The following DNAH10 variants were observed in gnomAD, a reference collection of about 807,000 sequenced individuals.
The protein encoded by DNAH10 is axonemal beta dynein heavy chain 10.
In DNAH10, 348 loss-of-function variants were observed where a neutral mutation model predicts 506.6. That is an observed-to-expected ratio of 0.69 (90% confidence interval 0.63 to 0.75). The LOEUF is 0.75. Among genes scored for constraint, DNAH10 ranks in the 30% least tolerant of loss-of-function variants. DNAH10 has a pLI of 0.00. For missense variants in DNAH10, 5,179 were observed against 5,787.1 expected (o/e 0.89, Z 3.41); for synonymous variants, 2,059 against 2,198.6 (o/e 0.94, Z 1.78).
chr12:123,908,483 T>A (rs1270347610), intron 57 of DNAH10: 1 of 456,136 alleles, frequency 2.2e-6, no homozygotes, highest in Non-Finnish European at 4.4e-6. Context: ...TCTCTTCCAC[T>A]TCTGTCTTTC....
Position 123,867,960 on chromosome 12 carries a change from G to C in DNAH10, c.7360G>C (p.Asp2454His), listed in dbSNP as rs766827260. ...ALLEGEIEDL[D>H]LLECYFLEAL... ...GCTAGAAGGAGAAATAGAAGACCTT[G>C]ACCTGCTGGAGTGCTACTTCCTGGA... The change falls in exon 43 of 79, where the codon GAC (aspartate) becomes CAC (histidine). Residue 2454 changes from aspartate (D) to histidine (H), a missense_variant. Coordinates refer to ENST00000673944, the MANE Select transcript of DNAH10 (RefSeq NM_001372106.1). 2.5e-6 allele frequency: 4 copies of C among 1,613,798 alleles called. No individual in the cohort carries two copies. Among genetic ancestry groups the C allele is most frequent in the Non-Finnish European group, 2.5e-6 (3 of 1,179,882 alleles).
rs890649731 is a variant in DNAH10 at position 123,917,299 on chromosome 12, G to A, written c.11003-285G>A. On this transcript the variant is annotated intron_variant, in intron 63 of 78. Coordinates refer to ENST00000673944, the MANE Select transcript of DNAH10 (RefSeq NM_001372106.1). The surrounding 1 kb of genome is among the most constrained non-coding windows in gnomAD (Gnocchi z 5.6). The stretch of plus-strand genomic sequence containing the variant: ...TGGGATTACAGGCATGAGCCACTGC[G>A]CCCAGTCTGGGTATACTTTAAACTA... Among the ~76,000 whole-genome samples the A allele has an allele frequency of 7.2e-5, 11 of 152,150 alleles. No individual in the cohort carries two copies. The highest frequency in any genetic ancestry group is 1.3e-4 in the Non-Finnish European group (9 of 68,022).
At chr12:123,807,096 T>A (rs1958707617) in intron 18 of DNAH10, among the ~76,000 whole-genome samples, 1 of 152,138 alleles carries the variant, frequency 6.6e-6, no homozygotes, top group African/African-American at 2.4e-5. Context: ...ATCCATTTAT[T>A]AACTCATTCA....
rs572505228 is a variant in DNAH10 at position 123,868,136 on chromosome 12, G to A, written c.7519+17G>A. 1.9e-5 allele frequency: 30 copies of A among 1,605,004 alleles called. No individual in the cohort carries two copies. Among genetic ancestry groups the A allele is most frequent in the African/African-American group, 9.4e-5 (7 of 74,778 alleles). ...AACTGCCAGGTGGGAACCGAGTGTC[G>A]CCTGTTTCCCTGCTCTGAGTGCCTT... is the stretch of plus-strand genomic sequence containing the variant. On this transcript the variant is annotated intron_variant, in intron 43 of 78. Transcript: ENST00000673944.
chr12:123,820,887 G>A, intron 24 of DNAH10, 129 bp downstream of exon 24: 1 of 1,073,838 alleles, frequency 9.3e-7, no homozygotes, highest in Non-Finnish European at 1.3e-6. Context: ...CGCTCATTTT[G>A]GCCGCAGGGA....
intron 69 of DNAH10, chr12:123,927,096 G>A (rs756937577): frequency 2.3e-6 from 1 of 438,556 alleles, no homozygotes; most frequent in East Asian, 4.9e-5. Flanking sequence ...AGGCTGGAGT[G>A]CAGTGGTGCG....
chr12:123,771,725 G>A lies in DNAH10; in HGVS notation c.396+27G>A, dbSNP rs555031433. On this transcript the variant is annotated intron_variant, in intron 3 of 78. Coordinates refer to ENST00000673944, the MANE Select transcript of DNAH10 (RefSeq NM_001372106.1). The stretch of plus-strand genomic sequence containing the variant: ...TAAGCATGGCTCTTTGTCCTTGTTG[G>A]TGGGGTAATGGGGACCCTTGATGCC... The A allele has an allele frequency of 3.8e-6, 6 of 1,573,188 alleles. No homozygotes were observed. In the African/African-American group the frequency reaches 4.0e-5, roughly 11 times the overall value.
rs34756279 is a variant in DNAH10 at position 123,881,603 on chromosome 12, CTT to C, written c.8635-10_8635-9del. On this transcript the variant is annotated intron_variant, in intron 50 of 78. Transcript: ENST00000673944. ...AACCCACCATGCTGGGTTTTGAATT[CTT>C]TTTTTTTTTTTAAATGCAGGAAATT... 71,877 of 1,325,310 alleles carry C rather than the reference CTT, an allele frequency of 0.054. No homozygotes were observed. The highest frequency in any genetic ancestry group is 0.081 in the South Asian group (5,306 of 65,128). The allele number at this position is 1,325,310 out of a possible 1,614,324, so 82.1% of individuals were successfully genotyped here. A position where few individuals can be genotyped will look rare whatever the true frequency, so the allele number is the denominator to read the frequency against.
At chr12:123,933,990 C>G in intron 77 of DNAH10, 1 of 482,534 alleles carries the variant, frequency 2.1e-6, no homozygotes, top group Non-Finnish European at 3.7e-6. Context: ...TTCCCCGGGT[C>G]CATGTTGTCT....
chr12:123,842,096 G>C (rs2136624106), intron 30 of DNAH10, among the ~76,000 whole-genome samples: 1 of 152,320 alleles, frequency 6.6e-6, no homozygotes, highest in African/African-American at 2.4e-5. Context: ...GGGCCCCTGG[G>C]ATTGTTAGAA....
Position 123,928,140 on chromosome 12 carries a change from G to T in DNAH10, c.12106-247G>T. ...TGGGACTTCCAGGGCCAGGGAGGCA[G>T]ATGAGTGCAAAATGCTCACCCATCT... On this transcript the variant is annotated intron_variant, in intron 69 of 78. Coordinates refer to ENST00000673944, the MANE Select transcript of DNAH10 (RefSeq NM_001372106.1). The surrounding 1 kb of genome is among the most constrained non-coding windows in gnomAD (Gnocchi z 4.9). 1 of 585,128 alleles carries T rather than the reference G, an allele frequency of 1.7e-6. No individual in the cohort carries two copies. The highest frequency in any genetic ancestry group is 2.8e-5 in the East Asian group (1 of 35,162). 36.2% of individuals were successfully genotyped at this position (585,128 alleles called of 1,614,324 possible).
At chr12:123,911,481 A>G (rs1467912357) in intron 59 of DNAH10, among the ~76,000 whole-genome samples, 3 of 830 alleles carry the variant, frequency 3.6e-3, no homozygotes, top group African/African-American at 4.9e-3. Context: ...CCCGGGGGGG[A>G]TCTGTCCTGG....
chr12:123,832,759 G>A (rs1185554337), intron 26 of DNAH10, among the ~76,000 whole-genome samples: 2 of 152,146 alleles, frequency 1.3e-5, no homozygotes, highest in South Asian at 2.1e-4. Context: ...TGCAGACTTC[G>A]GGGGCAGACT....
chr12:123,885,483 TATAGGATCAC>T (rs1952690354), intron 51 of DNAH10, among the ~76,000 whole-genome samples: 1 of 152,176 alleles, frequency 6.6e-6, no homozygotes, highest in Admixed American at 6.5e-5. Context: ...TTTTTTTCCC[TATAGGATCAC>T]TTTCTTTAGA....
intron 57 of DNAH10, among the ~76,000 whole-genome samples, chr12:123,904,345 G>A (rs1953675189): frequency 6.6e-6 from 1 of 152,200 alleles, no homozygotes; most frequent in East Asian, 1.9e-4. Flanking sequence ...AGGAGACACG[G>A]TCAGCACACA....
intron 40 of DNAH10, 76 bp downstream of exon 40, chr12:123,864,806 A>G: frequency 2.7e-6 from 4 of 1,488,758 alleles, no homozygotes; most frequent in Non-Finnish European, 3.6e-6. Flanking sequence ...TTAAAGTAGT[A>G]GTAAATGTAG....
In DNAH10 at chr12:123,785,655, GA is replaced by G; in HGVS notation, c.1231-90del. On this transcript the variant is annotated intron_variant, in intron 8 of 78. Transcript: ENST00000673944. The surrounding 1 kb of genome is among the most constrained non-coding windows in gnomAD (Gnocchi z 4.1). ...CTCAAGGAAAAAAAAAAAAAAAAAA[GA>G]GTGAAACTTCTTGCATGCTTACTGT... 1 of 806,470 alleles carries G rather than the reference GA, an allele frequency of 1.2e-6. No individual in the cohort carries two copies. Among genetic ancestry groups the G allele is most frequent in the South Asian group, 3.3e-5 (1 of 30,280 alleles). 50.0% of individuals were successfully genotyped at this position (806,470 alleles called of 1,614,324 possible).
intron 14 of DNAH10, 49 bp downstream of exon 14, chr12:123,799,420 T>G: frequency 6.4e-7 from 1 of 1,570,976 alleles, no homozygotes. Context: ...GACGATGGCG[T>G]CTGCCACATT....
Position 123,928,190 on chromosome 12 carries a change from G to A in DNAH10, c.12106-197G>A. 1.6e-6 allele frequency: 1 copy of A among 638,824 alleles called. No individual in the cohort carries two copies. The highest frequency in any genetic ancestry group is 2.0e-5 in the South Asian group (1 of 51,182). 39.6% of individuals were successfully genotyped at this position (638,824 alleles called of 1,614,324 possible). ...TTCCAGGCTGGGTGTGACCAGCTCA[G>A]TGCACCCACGGGGCCCATGGGGTTT... On this transcript the variant is annotated intron_variant, in intron 69 of 78. Coordinates refer to ENST00000673944, the MANE Select transcript of DNAH10 (RefSeq NM_001372106.1). This position sits in a 1 kb window ranked among gnomAD's most constrained non-coding sequence, Gnocchi z 4.9.
Sources: gnomAD v4.1 joint callset for allele counts (sites outside exome capture counted in the v4.1 genomes callset) on GRCh38, gnomAD v4.1.1 for gene constraint, Gnocchi (gnomAD v3.1) non-coding constraint, MANE v1.5 for transcripts, NCBI Gene and HGNC (gene_info 2026-07-23, HGNC 2026-07-21) for gene names.